The following U2SURP variants were observed in gnomAD, a reference collection of about 807,000 sequenced individuals.
The protein encoded by U2SURP is U2 snRNP-associated SURP motif-containing protein.
Under a neutral mutation model 144.9 loss-of-function variants are expected in U2SURP, and 9 were observed. The ratio of observed to expected loss-of-function variants is 0.06; its 90% CI spans 0.04 to 0.11. The LOEUF (loss-of-function observed/expected upper bound fraction) is 0.11. Among genes scored for constraint, U2SURP ranks in the 10% least tolerant of loss-of-function variants. The pLI is 1.00. For missense variants in U2SURP, 724 were observed against 1,226.7 expected (o/e 0.59, Z 6.12); for synonymous variants, 408 against 396.8 (o/e 1.03, Z -0.33).
intron 4 of U2SURP, 29 bp downstream of exon 4, chr3:143,014,438 C>T (rs762534991): frequency 4.1e-6 from 6 of 1,477,350 alleles, no homozygotes; most frequent in Non-Finnish European, 4.7e-6. Flanking sequence ...TTTGAATTAT[C>T]CTTGGAAATG....
intron 1 of U2SURP, among the ~76,000 whole-genome samples, chr3:143,005,850 C>T (rs1194212491): frequency 1.3e-5 from 2 of 151,636 alleles, no homozygotes; most frequent in Non-Finnish European, 2.9e-5. Context: ...CCCTTTTTTT[C>T]AAGGAGCCAT....
intron 16 of U2SURP, among the ~76,000 whole-genome samples, chr3:143,031,770 C>T (rs905580233): frequency 2.0e-5 from 3 of 152,188 alleles, no homozygotes; most frequent in African/African-American, 7.2e-5. Context: ...GTATGTACTT[C>T]ACTGCAGTCT....
At chr3:143,039,250 C>T (rs1530753) in intron 23 of U2SURP, among the ~76,000 whole-genome samples, 106,161 of 151,516 alleles carry the variant, frequency 0.7, 37,757 homozygotes, top group African/African-American at 0.84. Flanking sequence ...CCATCAAATA[C>T]TGTTTTGGGC....
At chr3:143,004,858 T>C (rs1316515792) in intron 1 of U2SURP, among the ~76,000 whole-genome samples, 1 of 152,138 alleles carries the variant, frequency 6.6e-6, no homozygotes, top group Non-Finnish European at 1.5e-5. Flanking sequence ...TAGTCTAAAA[T>C]ATTGCTTGGT....
chr3:143,040,415 G>A (rs1347110648), intron 23 of U2SURP, among the ~76,000 whole-genome samples: 1 of 151,856 alleles, frequency 6.6e-6, no homozygotes, highest in East Asian at 1.9e-4. Context: ...CTTTTGTGCA[G>A]CTTGTGATCC....
At chr3:143,034,618 A>G (rs1230548218) in intron 18 of U2SURP, 5 of 225,614 alleles carry the variant, frequency 2.2e-5, no homozygotes, top group East Asian at 8.9e-5. Context: ...ATTGGACGAG[A>G]TGGTTCAGCA....
intron 1 of U2SURP, among the ~76,000 whole-genome samples, chr3:143,006,401 C>G (rs1267495347): frequency 6.6e-6 from 1 of 152,164 alleles, no homozygotes; most frequent in Non-Finnish European, 1.5e-5. Flanking sequence ...TATATTGAGA[C>G]TCTGTCGCTT....
chr3:143,044,289 C>CTTTTTTTTTTTTTTTTTTTTTTTTTT (rs56916268), intron 24 of U2SURP, among the ~76,000 whole-genome samples: 4 of 81,376 alleles, frequency 4.9e-5, no homozygotes, highest in African/African-American at 2.3e-4. Context: ...CTCCCCTCTC[C>CTTTTTTTTTTTTTTTTTTTTTTTTTT]TTTTTTTTTT....
At chr3:143,014,068 TA>T (rs1374179594) in intron 3 of U2SURP, among the ~76,000 whole-genome samples, 1 of 148,558 alleles carries the variant, frequency 6.7e-6, no homozygotes, top group Non-Finnish European at 1.5e-5. Context: ...CTTTTTTTTT[TA>T]ACATGACTTT....
In U2SURP at chr3:143,042,707, T is replaced by C. The variant is rs563146850; in HGVS notation, c.2385-410T>C. 2.0e-5 allele frequency among the ~76,000 whole-genome samples: 3 copies of C among 152,318 alleles called. No homozygotes were observed. The South Asian group carries it at 6.2e-4, about 32-fold the overall frequency. On this transcript the variant is annotated intron_variant, in intron 23 of 27. Coordinates refer to ENST00000473835, the MANE Select transcript of U2SURP (RefSeq NM_001080415.2). ...TGAGAACATAGAATATTTGTGAATA[T>C]TGTTGCTCACAATATGAGTGAAATA...
At position 143,060,400 on chromosome 3, in the gene U2SURP, A is replaced by G. The variant is rs1935325635; in HGVS notation, c.*3950A>G. 1 of 152,012 alleles carries G rather than the reference A, an allele frequency of 6.6e-6. No individual in the cohort carries two copies. The highest frequency in any genetic ancestry group is 1.5e-5 in the Non-Finnish European group (1 of 67,892). The allele number at this position is 152,012 out of a possible 1,614,324, so 9.4% of individuals were successfully genotyped here. A position where few individuals can be genotyped will look rare whatever the true frequency, so the allele number is the denominator to read the frequency against. ...TACTTACTTTTAATGTAAGGATTAG[A>G]TTTATTGTTGAGCTGCTTTCCAGAT... On this transcript the variant is annotated 3_prime_UTR_variant, in exon 28 of 28. Coordinates refer to ENST00000473835, the MANE Select transcript of U2SURP (RefSeq NM_001080415.2).
At chr3:143,025,467 AC>A (rs1485910177) in intron 13 of U2SURP, among the ~76,000 whole-genome samples, 1 of 152,142 alleles carries the variant, frequency 6.6e-6, no homozygotes, top group Non-Finnish European at 1.5e-5. Flanking sequence ...TGGATGTATA[AC>A]ATTTGTCCAC....
At chr3:143,025,784 A>C (rs969761489) in intron 13 of U2SURP, 1 of 152,006 alleles carries the variant, frequency 6.6e-6, no homozygotes, top group African/African-American at 2.4e-5. Context: ...AATTTTTTTT[A>C]CTTCCTTTAG....
intron 1 of U2SURP, among the ~76,000 whole-genome samples, chr3:143,009,546 C>G (rs995429745): frequency 1.3e-5 from 2 of 151,526 alleles, no homozygotes; most frequent in Non-Finnish European, 2.9e-5. Context: ...TGCAGTGAGC[C>G]GAGGTCGCGC....
intron 1 of U2SURP, among the ~76,000 whole-genome samples, chr3:143,004,559 C>CAGGCTGG (rs71668558): frequency 2.2e-3 from 153 of 70,064 alleles, no homozygotes; most frequent in African/African-American, 4.2e-3. Flanking sequence ...ATCTGTTGGC[C>CAGGCTGG]TCTTGACCTT....
At position 143,017,033 on chromosome 3, in the gene U2SURP, C is replaced by G. The variant is rs1405648483; in HGVS notation, c.570+58C>G. 2.0e-6 allele frequency: 3 copies of G among 1,481,686 alleles called. No homozygotes were observed. The East Asian group carries it at 7.6e-5, about 38-fold the overall frequency. The allele number at this position is 1,481,686 out of a possible 1,614,324, so 91.8% of individuals were successfully genotyped here. On this transcript the variant is annotated intron_variant, in intron 6 of 27. Transcript: ENST00000473835. Reference sequence around the variant, plus strand: ...TTCAGAGATGACACTGCCAGTGATACTTCCACTGTAAGCAAGACTTTGGCT... The same window carrying G: ...TTCAGAGATGACACTGCCAGTGATAGTTCCACTGTAAGCAAGACTTTGGCT...
At chr3:143,011,354 T>C (rs1013148880) in intron 2 of U2SURP, among the ~76,000 whole-genome samples, 1 of 152,134 alleles carries the variant, frequency 6.6e-6, no homozygotes, top group Admixed American at 6.5e-5. Flanking sequence ...AATACTACAA[T>C]AAGTATTTTT....
chr3:143,004,679 G>C (rs549300329), intron 1 of U2SURP, among the ~76,000 whole-genome samples: 162 of 147,540 alleles, frequency 1.1e-3, no homozygotes, highest in Middle Eastern at 7.2e-3. Context: ...GTATGTACTT[G>C]AATGACTTAC....
chr3:143,009,150 T>A (rs2108269603), intron 1 of U2SURP, among the ~76,000 whole-genome samples: 1 of 152,348 alleles, frequency 6.6e-6, no homozygotes, highest in South Asian at 2.1e-4. Flanking sequence ...TATTTGTAAA[T>A]TTATGCATTT....
Sources: gnomAD v4.1 joint callset for allele counts (sites outside exome capture counted in the v4.1 genomes callset) on GRCh38, gnomAD v4.1.1 for gene constraint, MANE v1.5 for transcripts, NCBI Gene and HGNC (gene_info 2026-07-23, HGNC 2026-07-21) for gene names.